MYOZ2: variants seen among roughly 807,000 people sequenced by gnomAD.
The protein encoded by MYOZ2 is myozenin-2.
MYOZ2 carries 19 observed loss-of-function variants against 25.4 expected under a neutral mutation model. The ratio of observed to expected loss-of-function variants is 0.75; its 90% CI spans 0.52 to 1.10. MYOZ2 has a LOEUF of 1.10. Ranked by LOEUF, MYOZ2 falls within the 50% of genes least tolerant of loss-of-function variation. MYOZ2 has a pLI of 0.00. For missense variants in MYOZ2, 270 were observed against 317.9 expected (o/e 0.85, Z 1.15); for synonymous variants, 92 against 106.9 (o/e 0.86, Z 0.86).
chr4:119,182,232 A>G (rs1742196957), intron 5 of MYOZ2, among the ~76,000 whole-genome samples: 1 of 152,240 alleles, frequency 6.6e-6, no homozygotes, highest in South Asian at 2.1e-4. Context: ...TGTCAGCAAC[A>G]AACATATTTA....
chr4:119,159,227 C>T (rs1184229650), intron 4 of MYOZ2, among the ~76,000 whole-genome samples: 3 of 151,914 alleles, frequency 2.0e-5, no homozygotes, highest in East Asian at 3.9e-4. Flanking sequence ...GCCAGGAGCT[C>T]GAGACCAGCC....
chr4:119,145,212 T>C (rs534422169), intron 2 of MYOZ2, among the ~76,000 whole-genome samples: 23 of 152,268 alleles, frequency 1.5e-4, no homozygotes, highest in African/African-American at 5.5e-4. Context: ...CCCCACTGGC[T>C]CATGATATAA....
At chr4:119,170,661 T>C (rs1172421678) in intron 5 of MYOZ2, among the ~76,000 whole-genome samples, 1 of 152,090 alleles carries the variant, frequency 6.6e-6, no homozygotes, top group African/African-American at 2.4e-5. Flanking sequence ...GGATTTAAGA[T>C]GCAGAAAAAC....
intron 2 of MYOZ2, among the ~76,000 whole-genome samples, chr4:119,141,372 T>TTTTC (rs145312946): frequency 5.3e-5 from 8 of 152,082 alleles, no homozygotes; most frequent in South Asian, 2.1e-4. Flanking sequence ...AACCATATTA[T>TTTTC]TTTCTTTCTT....
chr4:119,144,940 C>T (rs1253267952), intron 2 of MYOZ2, among the ~76,000 whole-genome samples: 2 of 152,124 alleles, frequency 1.3e-5, no homozygotes, highest in East Asian at 1.9e-4. Flanking sequence ...AAAAGTTTTT[C>T]ATTTTGATGA....
chr4:119,142,796 C>T (rs1374750674), intron 2 of MYOZ2, among the ~76,000 whole-genome samples: 1 of 152,178 alleles, frequency 6.6e-6, no homozygotes, highest in East Asian at 1.9e-4. Context: ...GGAGAAAGTA[C>T]GATGAGTTGC....
chr4:119,174,280 T>C (rs1037272568), intron 5 of MYOZ2, among the ~76,000 whole-genome samples: 3 of 152,218 alleles, frequency 2.0e-5, no homozygotes, highest in Non-Finnish European at 4.4e-5. Flanking sequence ...AGAACCTTTA[T>C]GTCTAGCTCA....
At chr4:119,160,758 A>C (rs936103325) in intron 4 of MYOZ2, among the ~76,000 whole-genome samples, 1 of 152,054 alleles carries the variant, frequency 6.6e-6, no homozygotes, top group African/African-American at 2.4e-5. Flanking sequence ...TATAGCCCTA[A>C]TTAATATCGT....
chr4:119,152,255 A>T (rs1741472153), intron 3 of MYOZ2, among the ~76,000 whole-genome samples: 1 of 152,090 alleles, frequency 6.6e-6, no homozygotes, highest in Admixed American at 6.6e-5. Flanking sequence ...TATGCCCAGT[A>T]ACCTCTTATC....
intron 5 of MYOZ2, among the ~76,000 whole-genome samples, chr4:119,179,979 A>C (rs1742155381): frequency 6.6e-6 from 1 of 152,198 alleles, no homozygotes; most frequent in African/African-American, 2.4e-5. Context: ...TTCAACACAT[A>C]ATTTTTGGAA....
intron 5 of MYOZ2, among the ~76,000 whole-genome samples, chr4:119,176,928 T>C (rs1268558382): frequency 1.3e-5 from 2 of 152,190 alleles, no homozygotes; most frequent in Non-Finnish European, 2.9e-5. Flanking sequence ...GATTCTGTAG[T>C]TCTAACTAGT....
chr4:119,172,232 C>A (rs1741962001), intron 5 of MYOZ2, among the ~76,000 whole-genome samples: 2 of 152,208 alleles, frequency 1.3e-5, no homozygotes, highest in Non-Finnish European at 2.9e-5. Context: ...TGCCCCCTGC[C>A]TAGACAGAGC....
At chr4:119,184,702 T>C (rs1189231813) in intron 5 of MYOZ2, among the ~76,000 whole-genome samples, 1 of 152,222 alleles carries the variant, frequency 6.6e-6, no homozygotes, top group East Asian at 1.9e-4. Context: ...AGTAATCAAA[T>C]GCTTAAATCA....
chr4:119,181,328 G>A (rs1742181821), intron 5 of MYOZ2, among the ~76,000 whole-genome samples: 1 of 151,906 alleles, frequency 6.6e-6, no homozygotes, highest in African/African-American at 2.4e-5. Context: ...CATATCTTTG[G>A]TTCATGATTG....
intron 2 of MYOZ2, among the ~76,000 whole-genome samples, chr4:119,142,609 G>A (rs1741181426): frequency 6.6e-6 from 1 of 152,124 alleles, no homozygotes; most frequent in African/African-American, 2.4e-5. Context: ...CTTTTCCATA[G>A]GCTATTTCTA....
intron 5 of MYOZ2, among the ~76,000 whole-genome samples, chr4:119,175,150 C>G (rs1446957161): frequency 2.6e-5 from 4 of 151,302 alleles, no homozygotes; most frequent in African/African-American, 9.7e-5. Context: ...ATTCCCGACA[C>G]AGTAGGAGAT....
Position 119,158,053 on chromosome 4 carries a change from A to T in MYOZ2, c.278A>T (p.Asp93Val). Reference protein sequence around the residue: ...HSIAMQNGKVDGSNLEGGSQQ... With the variant: ...HSIAMQNGKVVGSNLEGGSQQ... ...ATTGCTATGCAGAATGGGAAAGTGG[A>T]TGGAAGTAACTTGGAAGGTGGTTCG... The change falls in exon 4 of 6, where the codon GAT (aspartate) becomes GTT (valine). Residue 93 changes from aspartate to valine, a missense_variant. Asp to Val is a radical substitution (Grantham distance 152). Coordinates refer to ENST00000307128, the MANE Select transcript of MYOZ2 (RefSeq NM_016599.5). 2 of 1,614,024 alleles carry T rather than the reference A, an allele frequency of 1.2e-6. No individual in the cohort carries two copies. Among genetic ancestry groups the T allele is most frequent in the Non-Finnish European group, 1.7e-6 (2 of 1,179,976 alleles).
At chr4:119,151,457 G>T (rs1741448267) in intron 3 of MYOZ2, among the ~76,000 whole-genome samples, 1 of 152,128 alleles carries the variant, frequency 6.6e-6, no homozygotes, top group African/African-American at 2.4e-5. Context: ...ACTGAAACAT[G>T]CCTGGGAACT....
At chr4:119,153,147 C>T (rs1207058245) in intron 3 of MYOZ2, among the ~76,000 whole-genome samples, 1 of 150,932 alleles carries the variant, frequency 6.6e-6, no homozygotes, top group Non-Finnish European at 1.5e-5. Flanking sequence ...TGCCTTCTGT[C>T]TTTAATGATC....
Sources: gnomAD v4.1 joint callset for allele counts (sites outside exome capture counted in the v4.1 genomes callset) on GRCh38, gnomAD v4.1.1 for gene constraint, MANE v1.5 for transcripts, NCBI Gene and HGNC (gene_info 2026-07-23, HGNC 2026-07-21) for gene names.